LAMA2: variants seen among roughly 807,000 people sequenced by gnomAD.
LAMA2 encodes laminin subunit alpha-2.
A neutral mutation model predicts 364.8 loss-of-function variants in LAMA2; 269 were observed. That is an observed-to-expected ratio of 0.74 (90% CI 0.67 to 0.82). The LOEUF (loss-of-function observed/expected upper bound fraction) is 0.82, where lower values mean the gene tolerates loss of function less well. LAMA2 is among the 40% of genes least tolerant of loss of function. The probability of loss-of-function intolerance (pLI) is 0.00; values close to 1 mark genes in which losing one functional copy is unlikely to be tolerated. For synonymous variants in LAMA2, 1,379 were observed against 1,370.6 expected (o/e 1.01, Z -0.14); for missense variants, 3,807 against 3,873.2 (o/e 0.98, Z 0.45).
chr6:128,930,968 G>A (rs1779437942), intron 1 of LAMA2, among the ~76,000 whole-genome samples: 1 of 152,000 alleles, frequency 6.6e-6, no homozygotes, highest in African/African-American at 2.4e-5. Flanking sequence ...TCCTGTCTAA[G>A]TGCTACCTAT....
intron 1 of LAMA2, among the ~76,000 whole-genome samples, chr6:128,901,520 A>T (rs1777079231): frequency 6.6e-6 from 1 of 152,204 alleles, no homozygotes; most frequent in South Asian, 2.1e-4. Flanking sequence ...AGGCATAGAA[A>T]GAGTAGTGAA....
chr6:129,147,489 G>T (rs538979223), intron 6 of LAMA2, among the ~76,000 whole-genome samples: 16 of 151,924 alleles, frequency 1.1e-4, no homozygotes, highest in Non-Finnish European at 2.2e-4. Context: ...ATAGGGCAGG[G>T]GCAATAAGGG....
intron 34 of LAMA2, among the ~76,000 whole-genome samples, chr6:129,373,552 G>A (rs956950624): frequency 5.3e-5 from 8 of 152,010 alleles, no homozygotes; most frequent in African/African-American, 1.4e-4. Context: ...TATTTTTTCA[G>A]TGTTTACTGA....
chr6:129,048,540 C>T (rs4895844), intron 1 of LAMA2, among the ~76,000 whole-genome samples: 28,002 of 52,440 alleles, frequency 0.53, 8,170 homozygotes, highest in East Asian at 0.61. Flanking sequence ...TTCCTTCCTT[C>T]CTTTCTTTCT....
intron 1 of LAMA2, among the ~76,000 whole-genome samples, chr6:128,935,155 C>T (rs1367202401): frequency 1.3e-5 from 2 of 152,086 alleles, no homozygotes; most frequent in Non-Finnish European, 2.9e-5. Context: ...TGTTGGTTTG[C>T]CGCACCCGTC....
At chr6:129,240,659 C>A (rs777032646) in intron 12 of LAMA2, among the ~76,000 whole-genome samples, 1 of 152,200 alleles carries the variant, frequency 6.6e-6, no homozygotes, top group Non-Finnish European at 1.5e-5. Flanking sequence ...CTCTGACTAG[C>A]TATGACTGCT....
intron 1 of LAMA2, among the ~76,000 whole-genome samples, chr6:129,033,334 T>C (rs1455209071): frequency 6.6e-6 from 1 of 152,200 alleles, no homozygotes; most frequent in Non-Finnish European, 1.5e-5. Context: ...GTGTGTTTTA[T>C]CACTAGAGAT....
At chr6:129,300,671 C>G in intron 21 of LAMA2, 65 bp from the exon 22 acceptor site, 1 of 1,530,062 alleles carries the variant, frequency 6.5e-7, no homozygotes, top group Non-Finnish European at 9.1e-7. Flanking sequence ...ATATAAAACT[C>G]AACACTTTGT....
At chr6:128,937,620 T>C (rs957570840) in intron 1 of LAMA2, among the ~76,000 whole-genome samples, 2 of 152,078 alleles carry the variant, frequency 1.3e-5, no homozygotes, top group African/African-American at 4.8e-5. Flanking sequence ...ATGATCCTTT[T>C]TTATTTCTGT....
intron 40 of LAMA2, among the ~76,000 whole-genome samples, chr6:129,412,055 C>A (rs943025540): frequency 5.9e-5 from 9 of 151,370 alleles, no homozygotes; most frequent in Non-Finnish European, 1.2e-4. Context: ...ATGTATTAAA[C>A]ATTGAAAAAA....
chr6:129,364,972 A>G (rs1245092675), intron 32 of LAMA2, among the ~76,000 whole-genome samples: 1 of 152,186 alleles, frequency 6.6e-6, no homozygotes, highest in African/African-American at 2.4e-5. Context: ...ACCAGGTCTT[A>G]TGAGAACTCT....
chr6:129,388,150 G>A (rs544665093), intron 35 of LAMA2, among the ~76,000 whole-genome samples: 44 of 151,998 alleles, frequency 2.9e-4, no homozygotes, highest in African/African-American at 8.9e-4. Context: ...CCAGCTACTC[G>A]GGAGGCTGAG....
At chr6:129,436,102 G>A (rs566356309) in intron 41 of LAMA2, among the ~76,000 whole-genome samples, 1 of 152,250 alleles carries the variant, frequency 6.6e-6, no homozygotes, top group East Asian at 1.9e-4. Flanking sequence ...GGTGGTTTAA[G>A]TTTTTTAAAA....
At chr6:129,486,214 G>C (rs1225644778) in intron 55 of LAMA2, among the ~76,000 whole-genome samples, 2 of 152,178 alleles carry the variant, frequency 1.3e-5, no homozygotes, top group Non-Finnish European at 2.9e-5. Context: ...AAGCACAGCT[G>C]TTACTTTCAG....
chr6:129,301,285 A>G (rs1052757216), intron 22 of LAMA2, among the ~76,000 whole-genome samples: 2 of 152,164 alleles, frequency 1.3e-5, no homozygotes, highest in Non-Finnish European at 2.9e-5. Context: ...CATTCTGAAG[A>G]GTCATTTTAA....
At chr6:129,064,145 T>A (rs1444512917) in intron 3 of LAMA2, among the ~76,000 whole-genome samples, 1 of 151,720 alleles carries the variant, frequency 6.6e-6, no homozygotes, top group African/African-American at 2.4e-5. Flanking sequence ...AATTCACAAA[T>A]ACATGGAAAT....
At chr6:129,178,780 A>G (rs756222565) in intron 10 of LAMA2, among the ~76,000 whole-genome samples, 1 of 152,298 alleles carries the variant, frequency 6.6e-6, no homozygotes, top group East Asian at 1.9e-4. Flanking sequence ...GCATATGTGT[A>G]CATATACAAC....
intron 1 of LAMA2, among the ~76,000 whole-genome samples, chr6:128,912,544 A>T (rs949446512): frequency 3.3e-5 from 5 of 152,198 alleles, no homozygotes; most frequent in Admixed American, 2.6e-4. Context: ...AATCTACTAT[A>T]ATTATGGGTA....
intron 41 of LAMA2, among the ~76,000 whole-genome samples, chr6:129,435,048 G>T (rs933290602): frequency 2.0e-5 from 3 of 151,958 alleles, no homozygotes; most frequent in Admixed American, 6.6e-5. Context: ...GAACTTGAGA[G>T]GCAGCAGTAA....
Sources: allele counts gnomAD v4.1 joint callset (sites outside exome capture counted in the v4.1 genomes callset), GRCh38; gene constraint gnomAD v4.1.1; transcripts MANE v1.5; gene names NCBI Gene and HGNC (gene_info 2026-07-23, HGNC 2026-07-21).